TBL1XR1: variants seen among roughly 807,000 people sequenced by gnomAD.
TBL1XR1 encodes TBL1X/Y related 1.
In TBL1XR1, 5 loss-of-function variants were observed where a neutral mutation model predicts 66.9. The ratio of observed to expected loss-of-function variants is 0.07; its 90% CI spans 0.04 to 0.16. The LOEUF (loss-of-function observed/expected upper bound fraction) is 0.16. TBL1XR1 is among the 10% of genes least tolerant of loss of function. The pLI is 1.00. For missense variants in TBL1XR1, 238 were observed against 623.2 expected (o/e 0.38, Z 6.58); for synonymous variants, 210 against 206.0 (o/e 1.02, Z -0.17).
intron 1 of TBL1XR1, among the ~76,000 whole-genome samples, chr3:177,100,338 C>A (rs1020817481): frequency 1.3e-5 from 2 of 152,146 alleles, no homozygotes; most frequent in Non-Finnish European, 2.9e-5. Flanking sequence ...TTCTTAATGT[C>A]TTAATGATAG....
At chr3:177,119,884 G>C (rs1352806698) in intron 1 of TBL1XR1, among the ~76,000 whole-genome samples, 6 of 152,110 alleles carry the variant, frequency 3.9e-5, no homozygotes, top group Non-Finnish European at 8.8e-5. Context: ...ACTGCCCTTG[G>C]TATTAGTTAC....
intron 1 of TBL1XR1, among the ~76,000 whole-genome samples, chr3:177,159,446 A>G (rs941264036): frequency 4.6e-5 from 7 of 152,202 alleles, no homozygotes; most frequent in Admixed American, 1.3e-4. Context: ...AATACTATAG[A>G]AAAGTCAATA....
At chr3:177,057,068 ATCTGGCTCT>A (rs1457042143) in intron 3 of TBL1XR1, among the ~76,000 whole-genome samples, 1 of 152,196 alleles carries the variant, frequency 6.6e-6, no homozygotes, top group Non-Finnish European at 1.5e-5. Context: ...TGTTTCTGTA[ATCTGGCTCT>A]TCTGTCTCTC....
At chr3:177,158,740 G>A (rs977412333) in intron 1 of TBL1XR1, among the ~76,000 whole-genome samples, 2 of 152,098 alleles carry the variant, frequency 1.3e-5, no homozygotes, top group African/African-American at 4.8e-5. Context: ...GCGCTTTAGG[G>A]ATTCTGTTTG....
At chr3:177,188,005 A>C (rs1244398872) in intron 1 of TBL1XR1, among the ~76,000 whole-genome samples, 1 of 141,406 alleles carries the variant, frequency 7.1e-6, no homozygotes, top group Non-Finnish European at 1.5e-5. Flanking sequence ...GCAGGAATAC[A>C]GTGGCACGAT....
intron 1 of TBL1XR1, among the ~76,000 whole-genome samples, chr3:177,161,562 C>A (rs1159017821): frequency 6.6e-6 from 1 of 152,116 alleles, no homozygotes; most frequent in East Asian, 1.9e-4. Context: ...GCGGGTGGAT[C>A]ACCTGAGGTC....
rs4331683 is a variant in TBL1XR1, at chr3:177,175,808, T to C, written c.-122+21313A>G. On this transcript the variant is annotated intron_variant, in intron 1 of 15. Coordinates refer to ENST00000457928, the MANE Select transcript of TBL1XR1 (RefSeq NM_024665.7). ...GCGCGGTGGCTCATGCCTGTAATCC[T>C]AGCACTTTGGGAGGCCGAGGCGTGC... Among the ~76,000 whole-genome samples the C allele has an allele frequency of 3.4e-3, 520 of 152,196 alleles. 2 individuals carry two copies. The highest frequency in any genetic ancestry group is 0.012 in the African/African-American group (497 of 41,542).
intron 2 of TBL1XR1, among the ~76,000 whole-genome samples, chr3:177,088,172 C>A (rs58421496): frequency 6.6e-6 from 1 of 152,072 alleles, no homozygotes. Context: ...ATAACAAGTT[C>A]TATCACAGTT....
chr3:177,180,462 G>A (rs1734686624), intron 1 of TBL1XR1, among the ~76,000 whole-genome samples: 1 of 148,856 alleles, frequency 6.7e-6, no homozygotes, highest in East Asian at 2.0e-4. Flanking sequence ...TACTCTCCTT[G>A]GAGTTTTTTT....
chr3:177,165,928 T>C (rs1325854853), intron 1 of TBL1XR1, among the ~76,000 whole-genome samples: 1 of 112,662 alleles, frequency 8.9e-6, no homozygotes, highest in Non-Finnish European at 2.1e-5. Flanking sequence ...AAAAGCGTTA[T>C]CTCCACAAAA....
chr3:177,100,866 T>C (rs1724115108), intron 1 of TBL1XR1, among the ~76,000 whole-genome samples: 1 of 134,328 alleles, frequency 7.4e-6, no homozygotes, highest in African/African-American at 2.6e-5. Context: ...CTTTGGTTTT[T>C]TTTTTCTTTG....
intron 1 of TBL1XR1, among the ~76,000 whole-genome samples, chr3:177,104,129 A>AAAAGAG (rs754019574): frequency 0.015 from 2,124 of 141,172 alleles, 30 homozygotes; most frequent in Middle Eastern, 0.018. Context: ...AAAAAAAAAA[A>AAAAGAG]AGAGAGAGAG....
At chr3:177,152,377 G>A (rs1020318042) in intron 1 of TBL1XR1, among the ~76,000 whole-genome samples, 20 of 152,022 alleles carry the variant, frequency 1.3e-4, no homozygotes, top group Non-Finnish European at 2.4e-4. Flanking sequence ...GTGCAATGGC[G>A]CGATCTCAGC....
intron 1 of TBL1XR1, among the ~76,000 whole-genome samples, chr3:177,184,379 C>A (rs1422754507): frequency 1.3e-5 from 2 of 152,142 alleles, no homozygotes; most frequent in Non-Finnish European, 2.9e-5. Flanking sequence ...CCAATATTCA[C>A]CTAATGTCCA....
At chr3:177,038,059 T>A in intron 12 of TBL1XR1, 39 bp downstream of exon 12, 1 of 1,587,706 alleles carries the variant, frequency 6.3e-7, no homozygotes, top group Non-Finnish European at 8.6e-7. Flanking sequence ...CCATACTGTG[T>A]GACACCGCCA....
intron 1 of TBL1XR1, among the ~76,000 whole-genome samples, chr3:177,108,750 T>C (rs867287933): frequency 2.0e-5 from 3 of 152,254 alleles, no homozygotes; most frequent in African/African-American, 7.2e-5. Context: ...TAAAAAATAC[T>C]AATGGTATTT....
chr3:177,148,574 G>A (rs180933709), intron 1 of TBL1XR1, among the ~76,000 whole-genome samples: 3 of 152,160 alleles, frequency 2.0e-5, no homozygotes, highest in Admixed American at 6.5e-5. Flanking sequence ...AATTAGCCGA[G>A]CATGGTGCCG....
chr3:177,167,436 A>G (rs1169984641), intron 1 of TBL1XR1, among the ~76,000 whole-genome samples: 4 of 152,238 alleles, frequency 2.6e-5, no homozygotes, highest in Non-Finnish European at 5.9e-5. Context: ...TCGAACACGC[A>G]GAACGTACAA....
At chr3:177,046,271 C>T (rs781437887) in intron 9 of TBL1XR1, 82 bp from the exon 10 acceptor site, 489 of 968,190 alleles carry the variant, frequency 5.1e-4, no homozygotes, top group Non-Finnish European at 6.1e-4. Flanking sequence ...AACTGTATTA[C>T]AGCAATATGA....
Sources: allele counts gnomAD v4.1 joint callset (sites outside exome capture counted in the v4.1 genomes callset), GRCh38; gene constraint gnomAD v4.1.1; transcripts MANE v1.5; gene names NCBI Gene and HGNC (gene_info 2026-07-23, HGNC 2026-07-21).